HMGN1: variants seen among roughly 807,000 people sequenced by gnomAD.
The protein encoded by HMGN1 is high mobility group nucleosome binding domain 1, also known as non-histone chromosomal protein HMG-14.
Under a neutral mutation model 18.4 loss-of-function variants are expected in HMGN1, and 9 were observed. The ratio of observed to expected loss-of-function variants is 0.49; its 90% CI spans 0.29 to 0.85. The LOEUF is 0.85. Ranked by LOEUF, HMGN1 falls within the 40% of genes least tolerant of loss-of-function variation. The pLI is 0.07. For missense variants in HMGN1, 151 were observed against 119.2 expected (o/e 1.27, Z -1.24); for synonymous variants, 59 against 45.0 (o/e 1.31, Z -1.24).
chr21:39,345,630 C>T, intron 4 of HMGN1: 1 of 390,974 alleles, frequency 2.6e-6, no homozygotes, highest in Non-Finnish European at 4.9e-6. Context: ...AGACATATGA[C>T]AAATCCTAAA....
chr21:39,347,559 G>T, intron 4 of HMGN1: 1 of 510,636 alleles, frequency 2.0e-6, no homozygotes, highest in Non-Finnish European at 3.7e-6. Context: ...CCTAAGTTTT[G>T]GATAAAAATT....
intron 3 of HMGN1, 35 bp from the exon 4 acceptor site, chr21:39,348,374 C>A: frequency 6.2e-7 from 1 of 1,614,172 alleles, no homozygotes; most frequent in Non-Finnish European, 8.5e-7. Flanking sequence ...CGTCCTCACC[C>A]GGGACGACCC....
Position 39,345,254 on chromosome 21 carries a change from T to C in HMGN1, c.147A>G (p.Lys49=), listed in dbSNP as rs1265539371. 1 of 1,613,170 alleles carries C rather than the reference T, an allele frequency of 6.2e-7. No homozygotes were observed. The highest frequency in any genetic ancestry group is 8.5e-7 in the Non-Finnish European group (1 of 1,179,332). ...CTCCCCTTTTCCCTTTTGTTTGCAC[T>C]TTTTTGTCTGAAGATTTATCCTATG... ...AAAKDKSSDK[K]VQTKGKRGAK... is the part of the protein sequence containing the mutation. Residue 49 remains lysine, a synonymous_variant, in exon 5 of 6, where the codon AAA becomes AAG. Coordinates refer to ENST00000380749, the MANE Select transcript of HMGN1 (RefSeq NM_004965.7).
chr21:39,347,478 C>T (rs1195271283), intron 4 of HMGN1: 1 of 1,284,570 alleles, frequency 7.8e-7, no homozygotes, highest in Admixed American at 2.3e-5. Context: ...TAAACTTCTA[C>T]CTACACTTTT....
rs533911026 is a variant in HMGN1, at chr21:39,345,992, A to C, written c.127-718T>G. 8.7e-6 allele frequency: 11 copies of C among 1,269,454 alleles called. No homozygotes were observed. The African/African-American group carries it at 1.7e-4, about 19-fold the overall frequency. 78.6% of individuals were successfully genotyped at this position (1,269,454 alleles called of 1,614,324 possible). ...CACAGGTATTAATATGACCATACTA[A>C]CTTGATACATTAAGTTCAAAATTTA... On this transcript the variant is annotated intron_variant, in intron 4 of 5. Transcript: ENST00000380749.
intron 4 of HMGN1, 77 bp from the exon 5 acceptor site, chr21:39,345,351 T>C: frequency 6.9e-7 from 1 of 1,448,128 alleles, no homozygotes; most frequent in African/African-American, 1.4e-5. Flanking sequence ...TTCCCCTTCA[T>C]GTCAGACAAG....
In HMGN1 at chr21:39,345,140, T is replaced by A; in HGVS notation, c.255+6A>T. ...ACACACACACACACACACACACACTTCTGACCTCCTCAGTCTTCGTTTCCC... is the reference window on the plus strand; with the variant it reads ...ACACACACACACACACACACACACTACTGACCTCCTCAGTCTTCGTTTCCC... On this transcript the variant is annotated splice_donor_region_variant and intron_variant, in intron 5 of 5. Coordinates refer to ENST00000380749, the MANE Select transcript of HMGN1 (RefSeq NM_004965.7). 7.9e-7 allele frequency: 1 copy of A among 1,258,376 alleles called. No individual in the cohort carries two copies. Among genetic ancestry groups the A allele is most frequent in the Non-Finnish European group, 1.1e-6 (1 of 932,750 alleles). 78.0% of individuals were successfully genotyped at this position (1,258,376 alleles called of 1,614,324 possible).
intron 5 of HMGN1, 128 bp downstream of exon 5, chr21:39,345,018 C>T: frequency 9.0e-7 from 1 of 1,110,774 alleles, no homozygotes; most frequent in Non-Finnish European, 1.2e-6. Context: ...CTTTGGGATA[C>T]CGTACAAAAC....
chr21:39,345,365 T>C (rs767293763), intron 4 of HMGN1, 91 bp from the exon 5 acceptor site: 1 of 1,292,882 alleles, frequency 7.7e-7, no homozygotes, highest in Non-Finnish European at 1.1e-6. Context: ...AGACAAGTAA[T>C]GTGCCCAGTG....
At chr21:39,346,143 T>C (rs1450819539) in intron 4 of HMGN1, 3 of 376,360 alleles carry the variant, frequency 8.0e-6, no homozygotes, top group African/African-American at 6.4e-5. Context: ...CCCCAGCGGG[T>C]GGTATAAAAG....
chr21:39,348,096 G>A (rs768778746), intron 4 of HMGN1, 196 bp downstream of exon 4: 1 of 881,424 alleles, frequency 1.1e-6, no homozygotes, highest in Admixed American at 2.9e-5. Flanking sequence ...ATCTGCAGCA[G>A]CATTAGTGTG....
rs781413178 is a variant in HMGN1 at position 39,348,382 on chromosome 21, C to A, written c.78+40G>T. ...CACTGAGCGTCCTCACCCGGGACGA[C>A]CCGCGGAAAACGAACGGTTACGGGG... On this transcript the variant is annotated intron_variant, in intron 3 of 5. Coordinates refer to ENST00000380749, the MANE Select transcript of HMGN1 (RefSeq NM_004965.7). The A allele has an allele frequency of 1.2e-5, 19 of 1,614,056 alleles. No homozygotes were observed. The Admixed American group carries it at 3.2e-4, about 27-fold the overall frequency.
At chr21:39,348,670 G>T (rs1601562789) in intron 1 of HMGN1, 93 bp from the exon 2 acceptor site, 7 of 1,416,910 alleles carry the variant, frequency 4.9e-6, no homozygotes, top group Admixed American at 2.7e-5. Context: ...GCCGCGTGAC[G>T]TCACGGCTTC....
chr21:39,342,800 T>A lies in HMGN1; in HGVS notation c.*312A>T. The A allele has an allele frequency of 7.5e-7, 1 of 1,342,020 alleles. No individual in the cohort carries two copies. Among genetic ancestry groups the A allele is most frequent in the Non-Finnish European group, 9.8e-7 (1 of 1,018,666 alleles). The allele number at this position is 1,342,020 out of a possible 1,614,324, so 83.1% of individuals were successfully genotyped here. A position where few individuals can be genotyped will look rare whatever the true frequency, so the allele number is the denominator to read the frequency against. ...TATTGCCATTTAATATGCTTTGTAT[T>A]ATAGGATATAAAAACTAACCCCCCA... On this transcript the variant is annotated 3_prime_UTR_variant, in exon 6 of 6. Transcript: ENST00000380749.
Position 39,348,890 on chromosome 21 carries a change from G to T in HMGN1, c.15+13C>A, listed in dbSNP as rs2037169843. 8.7e-7 allele frequency: 1 copy of T among 1,151,202 alleles called. No homozygotes were observed. The highest frequency in any genetic ancestry group is 1.1e-6 in the Non-Finnish European group (1 of 938,432). 71.3% of individuals were successfully genotyped at this position (1,151,202 alleles called of 1,614,324 possible). A position where few individuals can be genotyped will look rare whatever the true frequency, so the allele number is the denominator to read the frequency against. Reference sequence around the variant, plus strand: ...GCTCCAGGGGGCGTGTGCGGGCCGCGGCCGCCGCTCACCTTCCTCTTGGGC... The same window carrying T: ...GCTCCAGGGGGCGTGTGCGGGCCGCTGCCGCCGCTCACCTTCCTCTTGGGC... On this transcript the variant is annotated intron_variant, in intron 1 of 5. Coordinates refer to ENST00000380749, the MANE Select transcript of HMGN1 (RefSeq NM_004965.7).
intron 4 of HMGN1, chr21:39,347,480 T>C (rs915446827): frequency 2.3e-5 from 29 of 1,280,296 alleles, no homozygotes; most frequent in Non-Finnish European, 2.9e-5. Context: ...AACTTCTACC[T>C]ACACTTTTAG....
intron 5 of HMGN1, 143 bp downstream of exon 5, chr21:39,345,003 A>G (rs2036992232): frequency 1.0e-6 from 1 of 975,556 alleles, no homozygotes; most frequent in Non-Finnish European, 1.4e-6. Flanking sequence ...CCATTTGTCC[A>G]ATCACTTTGG....
chr21:39,348,059 A>AT, intron 4 of HMGN1: 4 of 1,014,820 alleles, frequency 3.9e-6, no homozygotes, highest in South Asian at 1.9e-5. Context: ...AATATTTAAT[A>AT]TTTTTTGTCG....
intron 1 of HMGN1, 72 bp downstream of exon 1, chr21:39,348,831 G>A (rs1601563392): frequency 9.9e-7 from 1 of 1,014,736 alleles, no homozygotes; most frequent in South Asian, 4.6e-5. Flanking sequence ...AACGGGGCCT[G>A]GGCCTCGCGG....
Sources: gnomAD v4.1 joint callset for allele counts on GRCh38, gnomAD v4.1.1 for gene constraint, MANE v1.5 for transcripts, NCBI Gene and HGNC (gene_info 2026-07-23, HGNC 2026-07-21) for gene names.